KCNK10: variants seen among roughly 807,000 people sequenced by gnomAD.
KCNK10 encodes potassium channel subfamily K member 10.
Under a neutral mutation model 47.7 loss-of-function variants are expected in KCNK10, and 25 were observed. That is an observed-to-expected ratio of 0.52 (90% CI 0.38 to 0.73). The LOEUF (loss-of-function observed/expected upper bound fraction) is 0.73, where lower values mean the gene tolerates loss of function less well. Among genes scored for constraint, KCNK10 ranks in the 30% least tolerant of loss-of-function variants. The pLI, the probability that KCNK10 is intolerant of heterozygous loss-of-function variation, is 0.00. For synonymous variants in KCNK10, 303 were observed against 285.6 expected (o/e 1.06, Z -0.61); for missense variants, 563 against 714.5 (o/e 0.79, Z 2.42).
At chr14:88,270,786 C>T (rs1887388269) in intron 1 of KCNK10, 1 of 781,070 alleles carries the variant, frequency 1.3e-6, no homozygotes, top group Non-Finnish European at 2.4e-6. Context: ...AATCCATCCT[C>T]CATATACCAG....
intron 1 of KCNK10, among the ~76,000 whole-genome samples, chr14:88,285,776 T>A (rs1887747481): frequency 6.6e-6 from 1 of 152,190 alleles, no homozygotes; most frequent in African/African-American, 2.4e-5. Flanking sequence ...GGCCCACAGG[T>A]TAAGCCTCCT....
At chr14:88,274,462 G>A (rs1274889904) in intron 1 of KCNK10, among the ~76,000 whole-genome samples, 1 of 144,076 alleles carries the variant, frequency 6.9e-6, no homozygotes, top group Non-Finnish European at 1.5e-5. Context: ...TCAGGAGGCT[G>A]AGGCAGGAGA....
chr14:88,297,964 C>T (rs1312106569), intron 1 of KCNK10, among the ~76,000 whole-genome samples: 1 of 152,152 alleles, frequency 6.6e-6, no homozygotes, highest in Non-Finnish European at 1.5e-5. Flanking sequence ...GCTCGTTATG[C>T]GTTCATCTGC....
chr14:88,241,957 G>C (rs189273566), intron 2 of KCNK10, among the ~76,000 whole-genome samples: 8 of 152,190 alleles, frequency 5.3e-5, no homozygotes, highest in Non-Finnish European at 1.0e-4. Context: ...GTGCTGTCAT[G>C]GCAGCCGAAA....
Position 88,260,849 on chromosome 14 carries a change from TAC to T in KCNK10, c.402+2351_402+2352del, listed in dbSNP as rs1219708586. 2.0e-5 allele frequency among the ~76,000 whole-genome samples: 3 copies of T among 152,158 alleles called. No homozygotes were observed. The highest frequency in any genetic ancestry group is 6.5e-5 in the Admixed American group (1 of 15,284). Reference sequence around the variant, plus strand: ...AAACACATTCACACAAACGCACACATACACACACATATCTCATTTCACAGAGA... The same window carrying T: ...AAACACATTCACACAAACGCACACATACACACATATCTCATTTCACAGAGA... On this transcript the variant is annotated intron_variant, in intron 2 of 6. Transcript: ENST00000319231. The surrounding 1 kb of genome is among the most constrained non-coding windows in gnomAD (Gnocchi z 4.5).
chr14:88,229,155 A>G (rs1886079803), intron 3 of KCNK10, among the ~76,000 whole-genome samples: 2 of 152,236 alleles, frequency 1.3e-5, no homozygotes, highest in Admixed American at 1.3e-4. Context: ...TCAGAAAGAA[A>G]TATATTGCAG....
At chr14:88,278,321 A>G (rs1887572011) in intron 1 of KCNK10, among the ~76,000 whole-genome samples, 1 of 152,228 alleles carries the variant, frequency 6.6e-6, no homozygotes, top group Non-Finnish European at 1.5e-5. Context: ...CCCTTCTCCT[A>G]GACCCTCAGA....
chr14:88,299,321 G>A (rs1208334405), intron 1 of KCNK10, among the ~76,000 whole-genome samples: 1 of 152,196 alleles, frequency 6.6e-6, no homozygotes, highest in African/African-American at 2.4e-5. Context: ...TTATCTAAAA[G>A]CTGCTTTACA....
At chr14:88,305,981 C>T (rs1322252399) in intron 1 of KCNK10, among the ~76,000 whole-genome samples, 2 of 152,116 alleles carry the variant, frequency 1.3e-5, no homozygotes, top group East Asian at 3.9e-4. Context: ...CACTAATTCC[C>T]CAACACTTCC....
At chr14:88,213,417 A>G (rs1885523027) in intron 4 of KCNK10, among the ~76,000 whole-genome samples, 1 of 152,230 alleles carries the variant, frequency 6.6e-6, no homozygotes, top group Admixed American at 6.5e-5. Flanking sequence ...AAGCATGAAC[A>G]TAGGAAATCA....
intron 4 of KCNK10, among the ~76,000 whole-genome samples, chr14:88,224,899 CA>C (rs1463849287): frequency 6.6e-6 from 1 of 152,198 alleles, no homozygotes; most frequent in East Asian, 1.9e-4. Context: ...TGTGAGCCAC[CA>C]TGCCCGGCAG....
intron 1 of KCNK10, among the ~76,000 whole-genome samples, chr14:88,272,725 G>A (rs557698336): frequency 6.6e-6 from 1 of 152,258 alleles, no homozygotes; most frequent in South Asian, 2.1e-4. Context: ...GCTGACTCTG[G>A]CAGCAGTGCG....
chr14:88,285,862 T>C (rs1219690756), intron 1 of KCNK10, among the ~76,000 whole-genome samples: 1 of 152,138 alleles, frequency 6.6e-6, no homozygotes, highest in Non-Finnish European at 1.5e-5. Flanking sequence ...GACTTTAATA[T>C]TCCCCCCGTG....
intron 4 of KCNK10, among the ~76,000 whole-genome samples, chr14:88,203,843 C>T (rs1415932807): frequency 6.6e-6 from 1 of 152,176 alleles, no homozygotes; most frequent in Non-Finnish European, 1.5e-5. Context: ...AGGGAAGGCA[C>T]AGGCTGTGGC....
rs151037891 is a variant in KCNK10 at position 88,219,310 on chromosome 14, AC to A, written c.681+8064del. On this transcript the variant is annotated intron_variant, in intron 4 of 6. Coordinates refer to ENST00000319231, the MANE Select transcript of KCNK10 (RefSeq NM_138317.3). ...TTGGAGATAAAAGAATGCATTCCAA[AC>A]CCCCTTTGCAGCTACGAATGGGACC... 7.3e-3 allele frequency among the ~76,000 whole-genome samples: 1,111 copies of A among 152,260 alleles called. 11 individuals are homozygous for A. The highest frequency in any genetic ancestry group is 0.026 in the African/African-American group (1,061 of 41,546).
intron 1 of KCNK10, among the ~76,000 whole-genome samples, chr14:88,296,575 C>A (rs1466651427): frequency 6.6e-6 from 1 of 152,184 alleles, no homozygotes; most frequent in Admixed American, 6.5e-5. Context: ...ATTCTGATAT[C>A]TGGCAGAGTT....
chr14:88,232,741 G>C (rs974256647), intron 3 of KCNK10, among the ~76,000 whole-genome samples: 1 of 152,206 alleles, frequency 6.6e-6, no homozygotes, highest in African/African-American at 2.4e-5. Context: ...TGATACTGAA[G>C]TGGACTTTGC....
chr14:88,187,847 C>T, intron 6 of KCNK10, 120 bp downstream of exon 6: 1 of 968,540 alleles, frequency 1.0e-6, no homozygotes, highest in African/African-American at 1.6e-5. Flanking sequence ...ATGACCCGCC[C>T]CCCGCTCCCC....
chr14:88,281,733 T>TCC (rs1887655258), intron 1 of KCNK10, among the ~76,000 whole-genome samples: 1 of 140,656 alleles, frequency 7.1e-6, no homozygotes, highest in African/African-American at 3.0e-5. Flanking sequence ...TCTCCATATA[T>TCC]ATATATATAT....
Sources: allele counts gnomAD v4.1 joint callset (sites outside exome capture counted in the v4.1 genomes callset), GRCh38; gene constraint gnomAD v4.1.1; non-coding constraint Gnocchi (gnomAD v3.1); transcripts MANE v1.5; gene names NCBI Gene and HGNC (gene_info 2026-07-23, HGNC 2026-07-21).